The following PFKFB3 variants were observed in gnomAD, a reference collection of about 807,000 sequenced individuals.
PFKFB3 encodes the protein 6-phosphofructo-2-kinase/fructose-2,6-biphosphatase 3.
Under a neutral mutation model 68.0 loss-of-function variants are expected in PFKFB3, and 33 were observed. That is an observed-to-expected ratio of 0.49 (90% CI 0.37 to 0.65). The LOEUF (loss-of-function observed/expected upper bound fraction) is 0.65. Ranked by LOEUF, PFKFB3 falls within the 30% of genes least tolerant of loss-of-function variation. The pLI is 0.00. For missense variants in PFKFB3, 586 were observed against 712.2 expected (o/e 0.82, Z 2.02); for synonymous variants, 315 against 288.2 (o/e 1.09, Z -0.94).
chr10:6,153,386 C>G (rs1017176694), intron 1 of PFKFB3, among the ~76,000 whole-genome samples: 1 of 152,140 alleles, frequency 6.6e-6, no homozygotes, highest in African/African-American at 2.4e-5. Context: ...ACAAAACAGA[C>G]AAACCTCGGC....
At chr10:6,281,625 A>G in the PFKFB3 span, among the ~76,000 whole-genome samples, 1 of 152,162 alleles carries the variant, frequency 6.6e-6, no homozygotes, top group African/African-American at 2.4e-5. Flanking sequence ...AGTAGGGTTC[A>G]TCTCACTGAA....
Position 6,155,941 on chromosome 10 carries a change from T to C in PFKFB3, c.16+10928T>C, listed in dbSNP as rs117024246. 2.9e-3 allele frequency among the ~76,000 whole-genome samples: 442 copies of C among 152,302 alleles called. 15 individuals carry two copies. The East Asian group carries it at 0.074, about 26-fold the overall frequency. On this transcript the variant is annotated intron_variant, in intron 1 of 14. Transcript: ENST00000379789. The stretch of plus-strand genomic sequence containing the variant: ...ATTTTTCTTTCTTAAAATGTTTTTA[T>C]GTTTAGGAGATATGTTCTACATGCA...
the PFKFB3 span, among the ~76,000 whole-genome samples, chr10:6,273,626 G>T: frequency 6.6e-6 from 1 of 152,222 alleles, no homozygotes; most frequent in Admixed American, 6.5e-5. Flanking sequence ...CTACTCGCCA[G>T]CACCTCAGGG....
At chr10:6,163,465 C>CA (rs1226607899) in intron 1 of PFKFB3, among the ~76,000 whole-genome samples, 1 of 152,166 alleles carries the variant, frequency 6.6e-6, no homozygotes, top group Non-Finnish European at 1.5e-5. Flanking sequence ...GGGACAGAGG[C>CA]AGGTCCCTGT....
In PFKFB3 at chr10:6,233,302, G is replaced by T. The variant is rs1332521483; in HGVS notation, c.*360G>T. 2 of 211,468 alleles carry T rather than the reference G, an allele frequency of 9.5e-6. No individual in the cohort carries two copies. The highest frequency in any genetic ancestry group is 1.9e-5 in the Non-Finnish European group (2 of 106,782). The allele number at this position is 211,468 out of a possible 1,614,324, so 13.1% of individuals were successfully genotyped here. A position where few individuals can be genotyped will look rare whatever the true frequency, so the allele number is the denominator to read the frequency against. On this transcript the variant is annotated 3_prime_UTR_variant, in exon 15 of 15. Coordinates refer to ENST00000379775, the MANE Select transcript of PFKFB3 (RefSeq NM_004566.4). ...CTGTGCTGTTTTGTTTCGTTTCTGT[G>T]ATCTCCCGGCACGTTTGGAGCTGGG...
At chr10:6,274,754 C>T in the PFKFB3 span, among the ~76,000 whole-genome samples, 29 of 152,030 alleles carry the variant, frequency 1.9e-4, no homozygotes, top group East Asian at 4.8e-3. Flanking sequence ...GAGGATCCCT[C>T]GAGCCCGGGT....
intron 1 of PFKFB3, among the ~76,000 whole-genome samples, chr10:6,185,084 G>A (rs1179575180): frequency 6.6e-6 from 1 of 152,192 alleles, no homozygotes; most frequent in Admixed American, 6.5e-5. Context: ...TAACCAGGAG[G>A]CCCAGTTATT....
intron 1 of PFKFB3, among the ~76,000 whole-genome samples, chr10:6,178,691 G>A (rs911829661): frequency 1.3e-5 from 2 of 152,184 alleles, no homozygotes; most frequent in Non-Finnish European, 2.9e-5. Context: ...TGGGCATCTC[G>A]GCCTCGAGTT....
intron 1 of PFKFB3, among the ~76,000 whole-genome samples, chr10:6,203,559 G>T (rs999799708): frequency 2.0e-5 from 3 of 151,480 alleles, no homozygotes; most frequent in South Asian, 2.1e-4. Context: ...CGGCGAGTGC[G>T]CCCGGCCGGG....
At chr10:6,232,690 CTG>C (rs1025797603) in intron 14 of PFKFB3, among the ~76,000 whole-genome samples, 3 of 151,412 alleles carry the variant, frequency 2.0e-5, no homozygotes, top group Non-Finnish European at 4.4e-5. Flanking sequence ...CTCTGAGACT[CTG>C]GGGTTATCTT....
At chr10:6,311,070 A>T in the PFKFB3 span, among the ~76,000 whole-genome samples, 1 of 152,210 alleles carries the variant, frequency 6.6e-6, no homozygotes, top group African/African-American at 2.4e-5. Flanking sequence ...AAAAAAGCTA[A>T]GTTTTCTGCC....
intron 14 of PFKFB3, among the ~76,000 whole-genome samples, chr10:6,250,495 T>C (rs369172817): frequency 0.021 from 3,195 of 149,874 alleles, 33 homozygotes; most frequent in African/African-American, 0.027. Context: ...GGCATGAACC[T>C]GGGAGGCAGA....
intron 7 of PFKFB3, 102 bp downstream of exon 7, chr10:6,219,795 A>AT: frequency 5.7e-6 from 7 of 1,218,440 alleles, no homozygotes; most frequent in South Asian, 1.4e-5. Flanking sequence ...CTTTAAAAAA[A>AT]TTTTTTTAAG....
chr10:6,227,241 C>T (rs1845422684), intron 14 of PFKFB3, among the ~76,000 whole-genome samples: 1 of 152,116 alleles, frequency 6.6e-6, no homozygotes, highest in South Asian at 2.1e-4. Flanking sequence ...AGCCTGGAAC[C>T]CTTGCAAATA....
At chr10:6,257,623 TAGG>T (rs1564239150), downstream of PFKFB3, among the ~76,000 whole-genome samples, 5 of 152,088 alleles carry the variant, frequency 3.3e-5, no homozygotes, top group Admixed American at 6.6e-5. Flanking sequence ...AGTCCACTAA[TAGG>T]AGGTTGGTTA....
At chr10:6,193,385 T>G (rs806522) in intron 1 of PFKFB3, among the ~76,000 whole-genome samples, 110,167 of 152,132 alleles carry the variant, frequency 0.72, 40,192 homozygotes, top group Non-Finnish European at 0.77. Flanking sequence ...AACAAAAAAG[T>G]ATTGTGTATC....
At chr10:6,186,115 A>C (rs1283975976) in intron 1 of PFKFB3, among the ~76,000 whole-genome samples, 1 of 152,206 alleles carries the variant, frequency 6.6e-6, no homozygotes, top group Non-Finnish European at 1.5e-5. Context: ...TATATGATGG[A>C]GAAATGATTA....
chr10:6,159,090 G>T (rs1269338185), intron 1 of PFKFB3, among the ~76,000 whole-genome samples: 1 of 152,062 alleles, frequency 6.6e-6, no homozygotes, highest in African/African-American at 2.4e-5. Context: ...TATTGTTGAT[G>T]ACTATTAAAA....
At chr10:6,276,723 C>A in the PFKFB3 span, among the ~76,000 whole-genome samples, 1 of 151,988 alleles carries the variant, frequency 6.6e-6, no homozygotes. Flanking sequence ...AGGTCCTTGT[C>A]CCCTTCCCTC....
Sources: allele counts gnomAD v4.1 joint callset (sites outside exome capture counted in the v4.1 genomes callset), GRCh38; gene constraint gnomAD v4.1.1; transcripts MANE v1.5; gene names NCBI Gene and HGNC (gene_info 2026-07-23, HGNC 2026-07-21).